The following L3MBTL4 variants were observed in gnomAD, a reference collection of about 807,000 sequenced individuals.
L3MBTL4 encodes the protein lethal(3)malignant brain tumor-like protein 4.
Under a neutral mutation model 84.5 loss-of-function variants are expected in L3MBTL4, and 70 were observed. That is an observed-to-expected ratio of 0.83 (90% confidence interval 0.68 to 1.01). L3MBTL4 has a LOEUF of 1.01. Among genes scored for constraint, L3MBTL4 ranks in the 50% least tolerant of loss-of-function variants. The pLI is 0.00. For synonymous variants in L3MBTL4, 274 were observed against 259.8 expected (o/e 1.05, Z -0.52); for missense variants, 715 against 754.8 (o/e 0.95, Z 0.62).
Position 6,239,650 on chromosome 18 carries a change from G to C in L3MBTL4, c.707+68C>G, listed in dbSNP as rs992093863. Reference sequence around the variant, plus strand: ...AAGAGCAAAAACAGCAACAGTGCTAGAATGAAAACAAATTCTTAACATCAA... The same window carrying C: ...AAGAGCAAAAACAGCAACAGTGCTACAATGAAAACAAATTCTTAACATCAA... On this transcript the variant is annotated intron_variant, in intron 9 of 18. Coordinates refer to ENST00000317931, the MANE Select transcript of L3MBTL4 (RefSeq NM_001330559.2). 3.9e-6 allele frequency: 6 copies of C among 1,523,772 alleles called. No individual in the cohort carries two copies. In the African/African-American group the frequency reaches 8.2e-5, roughly 21 times the overall value. The allele number at this position is 1,523,772 out of a possible 1,614,324, so 94.4% of individuals were successfully genotyped here.
intron 4 of L3MBTL4, among the ~76,000 whole-genome samples, chr18:6,268,620 A>C (rs1198291017): frequency 6.6e-6 from 1 of 152,190 alleles, no homozygotes; most frequent in Non-Finnish European, 1.5e-5. Flanking sequence ...CACTCATTTT[A>C]TGGAATATTA....
At chr18:6,282,492 C>T (rs2049364593) in intron 4 of L3MBTL4, among the ~76,000 whole-genome samples, 1 of 152,118 alleles carries the variant, frequency 6.6e-6, no homozygotes, top group African/African-American at 2.4e-5. Context: ...ATGGCAGGTA[C>T]AAGGGTTCCA....
intron 16 of L3MBTL4, among the ~76,000 whole-genome samples, chr18:6,000,385 AGAG>A (rs66816821): frequency 0.024 from 3,638 of 152,244 alleles, 148 homozygotes; most frequent in African/African-American, 0.084. Flanking sequence ...AGAAAGAAGT[AGAG>A]GAGAAAAATA....
chr18:6,284,665 A>G (rs2049481388), intron 4 of L3MBTL4, among the ~76,000 whole-genome samples: 1 of 152,160 alleles, frequency 6.6e-6, no homozygotes, highest in African/African-American at 2.4e-5. Flanking sequence ...GCCCTTCTTC[A>G]GGGCAGTATC....
At chr18:6,369,140 T>C (rs1228248296) in intron 1 of L3MBTL4, among the ~76,000 whole-genome samples, 1 of 151,996 alleles carries the variant, frequency 6.6e-6, no homozygotes, top group Non-Finnish European at 1.5e-5. Context: ...CAACAGATGC[T>C]TCCTGGAGAA....
At chr18:6,290,682 C>T (rs1406898919) in intron 4 of L3MBTL4, among the ~76,000 whole-genome samples, 4 of 152,092 alleles carry the variant, frequency 2.6e-5, no homozygotes, top group Non-Finnish European at 5.9e-5. Context: ...CATACACCAC[C>T]ATGCCCAGCT....
intron 13 of L3MBTL4, among the ~76,000 whole-genome samples, chr18:6,142,868 G>T (rs1224922325): frequency 6.6e-6 from 1 of 152,142 alleles, no homozygotes; most frequent in African/African-American, 2.4e-5. Flanking sequence ...CAGTCTGGGA[G>T]ACAGTGAGAC....
chr18:6,377,854 G>C (rs1326519089), intron 1 of L3MBTL4, among the ~76,000 whole-genome samples: 1 of 152,128 alleles, frequency 6.6e-6, no homozygotes, highest in Non-Finnish European at 1.5e-5. Flanking sequence ...GGGATGGCTA[G>C]GTCAAATGGT....
At chr18:6,040,021 C>A (rs1037196083) in intron 16 of L3MBTL4, among the ~76,000 whole-genome samples, 2 of 152,014 alleles carry the variant, frequency 1.3e-5, no homozygotes, top group South Asian at 2.1e-4. Context: ...TTTTTTCATT[C>A]TCTCCCTTTC....
chr18:6,062,866 A>G (rs1449755291), intron 16 of L3MBTL4, among the ~76,000 whole-genome samples: 1 of 151,360 alleles, frequency 6.6e-6, no homozygotes, highest in Non-Finnish European at 1.5e-5. Context: ...TTGGGGATAC[A>G]GGTGGTTTTT....
At chr18:6,096,105 T>G (rs1264699908) in intron 14 of L3MBTL4, among the ~76,000 whole-genome samples, 1 of 152,102 alleles carries the variant, frequency 6.6e-6, no homozygotes, top group Admixed American at 6.5e-5. Context: ...ACTACCCCTA[T>G]GTGGTTCATG....
At chr18:6,099,607 T>TATATATATATATATATATATATATA (rs201566898) in intron 14 of L3MBTL4, among the ~76,000 whole-genome samples, 1 of 122,840 alleles carries the variant, frequency 8.1e-6, no homozygotes, top group Non-Finnish European at 1.8e-5. Flanking sequence ...TATATATATA[T>TATATATATATATATATATATATATA]GGAGAGAGAG....
intron 15 of L3MBTL4, 198 bp from the exon 16 acceptor site, chr18:6,081,149 A>G (rs999305034): frequency 1.2e-5 from 5 of 431,848 alleles, no homozygotes; most frequent in African/African-American, 2.0e-5. Flanking sequence ...CTGACTTTGA[A>G]CCCTGAAATT....
At chr18:6,235,269 G>A (rs748557581) in intron 10 of L3MBTL4, among the ~76,000 whole-genome samples, 16 of 152,176 alleles carry the variant, frequency 1.1e-4, no homozygotes, top group East Asian at 3.9e-4. Flanking sequence ...GTATACATAC[G>A]TAACAAACCC....
chr18:6,192,779 G>A (rs1258714373), intron 12 of L3MBTL4, among the ~76,000 whole-genome samples: 1 of 152,084 alleles, frequency 6.6e-6, no homozygotes, highest in Non-Finnish European at 1.5e-5. Context: ...CTCACTCCGG[G>A]AGGCAGGTAC....
chr18:6,165,199 A>G (rs867308189), intron 13 of L3MBTL4, among the ~76,000 whole-genome samples: 3 of 152,138 alleles, frequency 2.0e-5, no homozygotes, highest in Admixed American at 6.5e-5. Context: ...CCAAATCTAC[A>G]TCTGATTGGT....
chr18:6,028,080 C>G (rs377655138), intron 16 of L3MBTL4, among the ~76,000 whole-genome samples: 191 of 152,266 alleles, frequency 1.3e-3, no homozygotes, highest in African/African-American at 4.4e-3. Flanking sequence ...GTTGCAATTG[C>G]TGTTGATGTT....
intron 16 of L3MBTL4, among the ~76,000 whole-genome samples, chr18:6,026,315 T>G (rs1644560942): frequency 6.6e-6 from 1 of 152,220 alleles, no homozygotes; most frequent in Non-Finnish European, 1.5e-5. Context: ...TTTTCCTTAG[T>G]TAAAATATTT....
At chr18:5,966,877 G>T (rs745521631) in intron 17 of L3MBTL4, among the ~76,000 whole-genome samples, 3 of 150,968 alleles carry the variant, frequency 2.0e-5, no homozygotes, top group Non-Finnish European at 4.4e-5. Context: ...CATTTGGCAC[G>T]TCTCACTTTT....
Sources: gnomAD v4.1 joint callset for allele counts (sites outside exome capture counted in the v4.1 genomes callset) on GRCh38, gnomAD v4.1.1 for gene constraint, MANE v1.5 for transcripts, NCBI Gene and HGNC (gene_info 2026-07-23, HGNC 2026-07-21) for gene names.